METTL24: variants seen among roughly 807,000 people sequenced by gnomAD.
METTL24 encodes probable methyltransferase-like protein 24.
In METTL24, 29 loss-of-function variants were observed where a neutral mutation model predicts 32.7. That is an observed-to-expected ratio of 0.89 (90% CI 0.66 to 1.21). METTL24 has a LOEUF of 1.21. METTL24 is among the 50% of genes most tolerant of loss of function. The pLI is 0.00. For synonymous variants in METTL24, 163 were observed against 179.5 expected (o/e 0.91, Z 0.73); for missense variants, 439 against 468.1 (o/e 0.94, Z 0.57).
At chr6:110,298,453 A>T (rs1329903274) in intron 4 of METTL24, among the ~76,000 whole-genome samples, 1 of 152,152 alleles carries the variant, frequency 6.6e-6, no homozygotes, top group African/African-American at 2.4e-5. Flanking sequence ...AGCTATATAT[A>T]TTTTCTGTGT....
chr6:110,297,586 G>A (rs923336263), intron 4 of METTL24, among the ~76,000 whole-genome samples: 2 of 152,094 alleles, frequency 1.3e-5, no homozygotes, highest in Non-Finnish European at 2.9e-5. Context: ...TGACATATTA[G>A]AGAATTAGGC....
intron 4 of METTL24, among the ~76,000 whole-genome samples, chr6:110,289,885 C>G (rs1418744604): frequency 6.6e-6 from 1 of 152,150 alleles, no homozygotes; most frequent in Non-Finnish European, 1.5e-5. Flanking sequence ...TACACACACT[C>G]TTCTGCAATT....
rs766271502 is a variant in METTL24, at chr6:110,298,998, G to A, written c.710C>T (p.Pro237Leu). Residue 237 changes from proline to leucine, a missense_variant, in exon 4 of 5, where the codon CCA (proline) becomes CTA (leucine). Physicochemically the swap from Pro to Leu is moderately conservative, Grantham distance 98 (BLOSUM62 -3). Transcript: ENST00000338882. ...ATGTGGTTTTTGGGCAGCAACAGCT[G>A]GATGGGGATCCCGCCAGTCAATGGA... ...RLSIDWRDPH[P>L]AVAAQKPHSN... 6.2e-7 allele frequency: 1 copy of A among 1,614,194 alleles called. No individual in the cohort carries two copies. The highest frequency in any genetic ancestry group is 1.6e-4 in the Middle Eastern group (1 of 6,062).
chr6:110,262,014 G>A (rs1163587117), intron 4 of METTL24, among the ~76,000 whole-genome samples: 1 of 152,068 alleles, frequency 6.6e-6, no homozygotes, highest in African/African-American at 2.4e-5. Context: ...AGAGAAAGCA[G>A]GAAAGATCTA....
intron 1 of METTL24, among the ~76,000 whole-genome samples, chr6:110,335,749 T>C (rs1421037327): frequency 2.0e-5 from 3 of 152,118 alleles, no homozygotes; most frequent in Non-Finnish European, 4.4e-5. Flanking sequence ...AAAAGAGACC[T>C]TAATAATAAT....
intron 1 of METTL24, among the ~76,000 whole-genome samples, chr6:110,328,765 G>T (rs535424308): frequency 3.3e-5 from 5 of 152,106 alleles, no homozygotes; most frequent in Non-Finnish European, 7.4e-5. Flanking sequence ...AGACCATGTA[G>T]CATTTAAAAA....
At chr6:110,317,685 C>G (rs1771844395) in intron 2 of METTL24, among the ~76,000 whole-genome samples, 1 of 152,076 alleles carries the variant, frequency 6.6e-6, no homozygotes, top group Non-Finnish European at 1.5e-5. Context: ...TCCATAATGA[C>G]AGATGAAGAT....
intron 4 of METTL24, among the ~76,000 whole-genome samples, chr6:110,298,095 G>T (rs1487049508): frequency 6.6e-6 from 1 of 152,176 alleles, no homozygotes; most frequent in Non-Finnish European, 1.5e-5. Context: ...TTAAAATTGA[G>T]TCTCAGGCAC....
chr6:110,353,106 C>G lies in METTL24; in HGVS notation c.318+4849G>C, dbSNP rs368357151. ...GCAGGCCTCTATTCTTCATCCACGA[C>G]ACATCAAAGTTGTAATAAAAACCTG... is the stretch of plus-strand genomic sequence containing the variant. On this transcript the variant is annotated intron_variant, in intron 1 of 4. Coordinates refer to ENST00000338882, the MANE Select transcript of METTL24 (RefSeq NM_001123364.3). Among the ~76,000 whole-genome samples the G allele has an allele frequency of 6.7e-4, 102 of 152,332 alleles. 1 individual carries two copies. The South Asian group carries it at 0.021, about 31-fold the overall frequency.
At chr6:110,315,932 T>C (rs893962438) in intron 2 of METTL24, among the ~76,000 whole-genome samples, 2 of 152,200 alleles carry the variant, frequency 1.3e-5, no homozygotes, top group Admixed American at 6.5e-5. Flanking sequence ...TACTATAAGA[T>C]GTGAGGCACA....
intron 3 of METTL24, among the ~76,000 whole-genome samples, chr6:110,311,477 T>C (rs55853485): frequency 7.4e-6 from 1 of 135,868 alleles, no homozygotes; most frequent in South Asian, 2.4e-4. Flanking sequence ...TGTTTTTTTT[T>C]TTTTTTTTTT....
At chr6:110,302,525 G>GTA (rs1443726069) in intron 3 of METTL24, among the ~76,000 whole-genome samples, 1 of 114,460 alleles carries the variant, frequency 8.7e-6, no homozygotes. Flanking sequence ...ACACATATGT[G>GTA]TATATATACA....
intron 4 of METTL24, among the ~76,000 whole-genome samples, chr6:110,292,111 A>T (rs959340410): frequency 2.0e-5 from 3 of 152,256 alleles, no homozygotes; most frequent in African/African-American, 7.2e-5. Context: ...ATGAAAAGAT[A>T]TACAATTCTC....
intron 4 of METTL24, 45 bp downstream of exon 4, chr6:110,298,877 G>A (rs1771468599): frequency 1.9e-6 from 3 of 1,560,330 alleles, no homozygotes; most frequent in South Asian, 1.1e-5. Context: ...AAGCTGATGG[G>A]TTTGTTTACT....
At chr6:110,247,250 A>G (rs1457791679) in intron 4 of METTL24, among the ~76,000 whole-genome samples, 2 of 152,214 alleles carry the variant, frequency 1.3e-5, no homozygotes, top group Admixed American at 6.5e-5. Context: ...TGATTCTGTG[A>G]GTATCCCTAA....
intron 4 of METTL24, among the ~76,000 whole-genome samples, chr6:110,269,187 T>C (rs188132569): frequency 6.8e-4 from 103 of 152,286 alleles, no homozygotes; most frequent in African/African-American, 2.3e-3. Context: ...AAGAAAAACA[T>C]TGTCCAAAAT....
At chr6:110,285,637 T>G in intron 4 of METTL24, among the ~76,000 whole-genome samples, 1 of 152,222 alleles carries the variant, frequency 6.6e-6, no homozygotes, top group East Asian at 1.9e-4. Context: ...TAGCTGTTTT[T>G]TTAACACTCA....
intron 1 of METTL24, among the ~76,000 whole-genome samples, chr6:110,346,217 C>T (rs1408634249): frequency 6.6e-6 from 1 of 152,186 alleles, no homozygotes; most frequent in African/African-American, 2.4e-5. Flanking sequence ...TTGGTCTATA[C>T]CCAGTGATAG....
intron 4 of METTL24, among the ~76,000 whole-genome samples, chr6:110,248,596 G>T (rs921680768): frequency 2.6e-4 from 39 of 148,996 alleles, no homozygotes; most frequent in Middle Eastern, 3.4e-3. Context: ...GCAAAGACAG[G>T]TTGCATGTGA....
Sources: gnomAD v4.1 joint callset for allele counts (sites outside exome capture counted in the v4.1 genomes callset) on GRCh38, gnomAD v4.1.1 for gene constraint, MANE v1.5 for transcripts, NCBI Gene and HGNC (gene_info 2026-07-23, HGNC 2026-07-21) for gene names.